CACNB2: variants seen among roughly 807,000 people sequenced by gnomAD.
The protein encoded by CACNB2 is calcium voltage-gated channel auxiliary subunit beta 2.
Under a neutral mutation model 73.3 loss-of-function variants are expected in CACNB2, and 42 were observed. The observed-to-expected ratio is 0.57, with a 90% confidence interval of 0.45 to 0.74. CACNB2 has a LOEUF of 0.74. CACNB2 is among the 30% of genes least tolerant of loss of function. The pLI, the probability that CACNB2 is intolerant of heterozygous loss-of-function variation, is 0.00. For missense variants in CACNB2, 940 were observed against 853.0 expected, an observed-to-expected ratio of 1.10 and a Z score of -1.27; for synonymous variants, 348 against 310.3, an observed-to-expected ratio of 1.12 and a Z score of -1.28.
intron 12 of CACNB2, among the ~76,000 whole-genome samples, chr10:18,537,545 G>A (rs2053720950): frequency 6.6e-6 from 1 of 151,996 alleles, no homozygotes; most frequent in Non-Finnish European, 1.5e-5. Flanking sequence ...GGGAGGCCGA[G>A]GCGGGTGAAT....
intron 1 of CACNB2, among the ~76,000 whole-genome samples, chr10:18,145,623 C>G (rs997782036): frequency 2.6e-5 from 4 of 152,070 alleles, no homozygotes; most frequent in Non-Finnish European, 5.9e-5. Flanking sequence ...ATAGCCTTGG[C>G]CCTTTCAAGA....
At chr10:18,242,138 T>C (rs938735410) in intron 2 of CACNB2, among the ~76,000 whole-genome samples, 15 of 151,896 alleles carry the variant, frequency 9.9e-5, no homozygotes, top group East Asian at 9.7e-4. Flanking sequence ...TATATATATA[T>C]ACACACAATA....
At chr10:18,411,074 G>A (rs1490309906) in intron 3 of CACNB2, among the ~76,000 whole-genome samples, 1 of 152,162 alleles carries the variant, frequency 6.6e-6, no homozygotes, top group African/African-American at 2.4e-5. Flanking sequence ...AAATATTTTA[G>A]GCTGAAATTA....
intron 9 of CACNB2, among the ~76,000 whole-genome samples, chr10:18,526,760 CTTTA>C (rs1156848334): frequency 6.6e-6 from 1 of 152,014 alleles, no homozygotes; most frequent in Non-Finnish European, 1.5e-5. Context: ...AATTATTTTC[CTTTA>C]TTATTTATCT....
At chr10:18,537,856 ATATATATACATCTCT>A (rs2053757792) in intron 12 of CACNB2, among the ~76,000 whole-genome samples, 1 of 152,184 alleles carries the variant, frequency 6.6e-6, no homozygotes, top group Admixed American at 6.5e-5. Context: ...TTCTGTTCAA[ATATATATACATCTCT>A]TTTCTACCAT....
intron 2 of CACNB2, among the ~76,000 whole-genome samples, chr10:18,370,245 C>G (rs371097682): frequency 6.6e-6 from 1 of 152,248 alleles, no homozygotes; most frequent in African/African-American, 2.4e-5. Context: ...CCAGGAGTGC[C>G]GGCATTACCG....
At position 18,415,700 on chromosome 10, in the gene CACNB2, CT is replaced by C. The variant is rs1400087244; in HGVS notation, c.333+13658del. Among the ~76,000 whole-genome samples the C allele has an allele frequency of 2.6e-5, 4 of 152,236 alleles. No homozygotes were observed. In the South Asian group the frequency reaches 8.3e-4, roughly 32 times the overall value. ...TGCTAACTATGGGGTCCAACAACGC[CT>C]GCCATTTTAGATTATTTTCATTTTA... On this transcript the variant is annotated intron_variant, in intron 3 of 13. Transcript: ENST00000324631.
At chr10:18,392,549 T>G (rs2043527426) in intron 2 of CACNB2, among the ~76,000 whole-genome samples, 1 of 152,116 alleles carries the variant, frequency 6.6e-6, no homozygotes, top group African/African-American at 2.4e-5. Context: ...TTATTTTTTC[T>G]GCAAAGGAGA....
chr10:18,334,333 C>T (rs2040918510), intron 2 of CACNB2, among the ~76,000 whole-genome samples: 1 of 152,138 alleles, frequency 6.6e-6, no homozygotes, highest in Admixed American at 6.5e-5. Context: ...CCCAGAATCA[C>T]AGAATAACTG....
chr10:18,378,193 A>G (rs1432600117), intron 2 of CACNB2, among the ~76,000 whole-genome samples: 1 of 152,198 alleles, frequency 6.6e-6, no homozygotes, highest in Non-Finnish European at 1.5e-5. Flanking sequence ...ACCTGAATGC[A>G]CAGCTTGGAA....
intron 3 of CACNB2, among the ~76,000 whole-genome samples, chr10:18,447,216 TA>T (rs35255031): frequency 0.15 from 22,549 of 152,176 alleles, 2,182 homozygotes; most frequent in Middle Eastern, 0.26. Context: ...TGGTTTCCAC[TA>T]AAGATAAGTT....
At chr10:18,340,898 G>A in intron 2 of CACNB2, 1 of 1,614,144 alleles carries the variant, frequency 6.2e-7, no homozygotes, top group Non-Finnish European at 8.5e-7. Flanking sequence ...TCCTGCTGGA[G>A]TGCTGGGCGC....
intron 3 of CACNB2, among the ~76,000 whole-genome samples, chr10:18,426,681 A>G (rs6482410): frequency 0.88 from 133,861 of 152,000 alleles, 59,168 homozygotes; most frequent in East Asian, 0.96. Context: ...CTATAAAAAA[A>G]TTAAAAATAA....
At position 18,432,058 on chromosome 10, in the gene CACNB2, C is replaced by T. The variant is rs183072396; in HGVS notation, c.333+30015C>T. The stretch of plus-strand genomic sequence containing the variant: ...GATTACAGGCATGAGCCACCGCACC[C>T]GGCCCAAGACTATTATTTATGTTTG... On this transcript the variant is annotated intron_variant, in intron 3 of 13. Transcript: ENST00000324631. Among the ~76,000 whole-genome samples, 42 of 152,292 alleles carry T rather than the reference C, an allele frequency of 2.8e-4. 1 individual carries two copies. The East Asian group carries it at 7.3e-3, about 27-fold the overall frequency.
chr10:18,241,508 A>C (rs2036648611), intron 2 of CACNB2, among the ~76,000 whole-genome samples: 1 of 152,036 alleles, frequency 6.6e-6, no homozygotes, highest in Non-Finnish European at 1.5e-5. Flanking sequence ...GGGTGCAGCA[A>C]ACCACCATGG....
rs1344293145 is a variant in CACNB2 at position 18,419,430 on chromosome 10, T to TGA, written c.333+17398_333+17399dup. Among the ~76,000 whole-genome samples the TGA allele has an allele frequency of 2.0e-5, 3 of 151,940 alleles. No homozygotes were observed. In the East Asian group the frequency reaches 5.8e-4, roughly 29 times the overall value. On this transcript the variant is annotated intron_variant, in intron 3 of 13. Transcript: ENST00000324631. The stretch of plus-strand genomic sequence containing the variant: ...TTCTCTTCAACTCTTTACTTTAAAA[T>TGA]GAGAGAGAGAGAAGGTGACACGGAG...
intron 2 of CACNB2, among the ~76,000 whole-genome samples, chr10:18,249,834 A>G (rs76892998): frequency 0.026 from 3,896 of 152,260 alleles, 79 homozygotes; most frequent in Middle Eastern, 0.065. Flanking sequence ...ACTGCTCCAC[A>G]TCGATGTCCT....
At chr10:18,364,099 A>C (rs1032689038) in intron 2 of CACNB2, among the ~76,000 whole-genome samples, 8 of 151,740 alleles carry the variant, frequency 5.3e-5, no homozygotes, top group South Asian at 2.1e-4. Context: ...GGCGCCTGCT[A>C]CCACACCCAG....
intron 2 of CACNB2, among the ~76,000 whole-genome samples, chr10:18,358,497 GCT>G (rs59205683): frequency 0.015 from 1,608 of 104,200 alleles, 2 homozygotes; most frequent in East Asian, 0.063. Context: ...TAATGAGCAC[GCT>G]CTCTCTCTCT....
Sources: allele counts gnomAD v4.1 joint callset (sites outside exome capture counted in the v4.1 genomes callset), GRCh38; gene constraint gnomAD v4.1.1; transcripts MANE v1.5; gene names NCBI Gene and HGNC (gene_info 2026-07-23, HGNC 2026-07-21).